Variants in FGF14 observed in about 807,000 individuals in gnomAD.
FGF14 encodes the protein fibroblast growth factor 14, also known as fibroblast growth factor homologous factor 4.
A neutral mutation model predicts 25.5 loss-of-function variants in FGF14; 5 were observed. The ratio of observed to expected loss-of-function variants is 0.20; its 90% confidence interval spans 0.10 to 0.41. The LOEUF (loss-of-function observed/expected upper bound fraction) is 0.41, where lower values mean the gene tolerates loss of function less well. FGF14 is among the 10% of genes least tolerant of loss of function. FGF14 has a pLI of 1.00. For synonymous variants in FGF14, 138 were observed against 118.3 expected (o/e 1.17, Z -1.08); for missense variants, 222 against 320.1 (o/e 0.69, Z 2.34).
At chr13:101,977,543 C>T (rs1298628469) in intron 1 of FGF14, among the ~76,000 whole-genome samples, 1 of 152,044 alleles carries the variant, frequency 6.6e-6, no homozygotes, top group Non-Finnish European at 1.5e-5. Context: ...CCAGCATTTT[C>T]CTCCCTACTC....
intron 1 of FGF14, among the ~76,000 whole-genome samples, chr13:102,053,765 C>T (rs1456732876): frequency 6.6e-6 from 1 of 152,052 alleles, no homozygotes; most frequent in Non-Finnish European, 1.5e-5. Context: ...TGGCTTAGAA[C>T]TTGTACTTTG....
At chr13:102,274,453 C>T (rs1332450181) in intron 1 of FGF14, among the ~76,000 whole-genome samples, 2 of 152,198 alleles carry the variant, frequency 1.3e-5, no homozygotes, top group Admixed American at 6.5e-5. Flanking sequence ...CCCCCACCCA[C>T]ACAAACCCAT....
chr13:102,232,161 T>C (rs2051113830), intron 1 of FGF14, among the ~76,000 whole-genome samples: 1 of 152,232 alleles, frequency 6.6e-6, no homozygotes. Context: ...CAAAGTCATG[T>C]ATTACACATA....
intron 1 of FGF14, among the ~76,000 whole-genome samples, chr13:102,232,128 T>G (rs1032803832): frequency 6.6e-6 from 1 of 152,144 alleles, no homozygotes; most frequent in African/African-American, 2.4e-5. Context: ...AATGAATCCC[T>G]CAATAATTTA....
At chr13:102,098,478 G>A (rs1037980262) in intron 1 of FGF14, among the ~76,000 whole-genome samples, 1 of 152,160 alleles carries the variant, frequency 6.6e-6, no homozygotes, top group African/African-American at 2.4e-5. Context: ...ACAGTTTAAG[G>A]AAGATGTTCT....
chr13:101,850,439 G>T (rs2043710032), intron 3 of FGF14, among the ~76,000 whole-genome samples: 1 of 129,016 alleles, frequency 7.8e-6, no homozygotes, highest in Non-Finnish European at 1.6e-5. Context: ...GGGAAACAGG[G>T]CGAGACTCTG....
At chr13:102,088,161 G>A (rs1234709240) in intron 1 of FGF14, among the ~76,000 whole-genome samples, 1 of 152,108 alleles carries the variant, frequency 6.6e-6, no homozygotes, top group Non-Finnish European at 1.5e-5. Context: ...TTTCCTGTTC[G>A]GGTTCGTTTC....
chr13:101,743,797 C>A (rs1403895473), intron 3 of FGF14, among the ~76,000 whole-genome samples: 2 of 151,178 alleles, frequency 1.3e-5, no homozygotes, highest in Non-Finnish European at 3.0e-5. Flanking sequence ...GATATTCATC[C>A]ATTTTCTTAA....
intron 1 of FGF14, among the ~76,000 whole-genome samples, chr13:102,379,241 A>G (rs1366334218): frequency 6.6e-6 from 1 of 152,102 alleles, no homozygotes; most frequent in Non-Finnish European, 1.5e-5. Flanking sequence ...TTAGAAACAT[A>G]CCACTATTAT....
chr13:101,806,805 G>C (rs2041231589), intron 3 of FGF14, among the ~76,000 whole-genome samples: 1 of 152,050 alleles, frequency 6.6e-6, no homozygotes, highest in Non-Finnish European at 1.5e-5. Flanking sequence ...GGCCCAACTT[G>C]AAATAAAAGG....
chr13:101,995,641 T>TA (rs1489684158), intron 1 of FGF14, among the ~76,000 whole-genome samples: 2 of 152,120 alleles, frequency 1.3e-5, no homozygotes, highest in African/African-American at 2.4e-5. Flanking sequence ...CATGTAACTG[T>TA]AATGGAAGGC....
chr13:101,994,422 C>G (rs1207617810), intron 1 of FGF14, among the ~76,000 whole-genome samples: 2 of 151,932 alleles, frequency 1.3e-5, no homozygotes, highest in African/African-American at 4.8e-5. Flanking sequence ...AATCTCAAGG[C>G]TTATGGGAGG....
intron 1 of FGF14, among the ~76,000 whole-genome samples, chr13:102,339,389 CCAAA>C (rs1229261648): frequency 6.6e-6 from 1 of 151,834 alleles, no homozygotes; most frequent in African/African-American, 2.4e-5. Flanking sequence ...GTAGAAAAGA[CCAAA>C]CAAAAGAATT....
chr13:101,894,838 T>C (rs2030386900), intron 1 of FGF14, among the ~76,000 whole-genome samples: 1 of 152,160 alleles, frequency 6.6e-6, no homozygotes, highest in Admixed American at 6.6e-5. Flanking sequence ...TCTTTATTAG[T>C]CACCTTCAAC....
intron 3 of FGF14, among the ~76,000 whole-genome samples, chr13:101,834,031 C>T (rs573252509): frequency 6.5e-4 from 99 of 152,098 alleles, no homozygotes; most frequent in African/African-American, 2.2e-3. Flanking sequence ...ATTTCTGAAA[C>T]GAATAATATC....
chr13:101,801,961 A>G, intron 3 of FGF14: 1 of 476,608 alleles, frequency 2.1e-6, no homozygotes, highest in South Asian at 1.6e-5. Context: ...AAGAACATAA[A>G]AAGAAAAACC....
intron 3 of FGF14, among the ~76,000 whole-genome samples, chr13:101,808,267 T>C (rs200401023): frequency 5.1e-4 from 78 of 152,188 alleles, no homozygotes; most frequent in East Asian, 4.4e-3. Context: ...TTCTGAGAGA[T>C]AGCTTTCTCT....
chr13:102,279,075 T>A (rs1455793788), intron 1 of FGF14, among the ~76,000 whole-genome samples: 3 of 152,220 alleles, frequency 2.0e-5, no homozygotes, highest in Non-Finnish European at 2.9e-5. Context: ...TGAGAACTAG[T>A]GGAAGAAAAC....
At chr13:101,798,361 C>T (rs1046926276) in intron 3 of FGF14, among the ~76,000 whole-genome samples, 6 of 152,130 alleles carry the variant, frequency 3.9e-5, no homozygotes, top group Admixed American at 1.3e-4. Flanking sequence ...TCCTAGAAAA[C>T]TGGCTGGGTC....
Sources: gnomAD v4.1 joint callset for allele counts (sites outside exome capture counted in the v4.1 genomes callset) on GRCh38, gnomAD v4.1.1 for gene constraint, MANE v1.5 for transcripts, NCBI Gene and HGNC (gene_info 2026-07-23, HGNC 2026-07-21) for gene names.